CKMT2: variants seen among roughly 807,000 people sequenced by gnomAD.
The protein encoded by CKMT2 is creatine kinase S-type, mitochondrial.
A neutral mutation model predicts 48.9 loss-of-function variants in CKMT2; 43 were observed. The ratio of observed to expected loss-of-function variants is 0.88; its 90% CI spans 0.69 to 1.13. The LOEUF (loss-of-function observed/expected upper bound fraction) is 1.13, where lower values mean the gene tolerates loss of function less well. Ranked by LOEUF, CKMT2 falls within the 50% of genes most tolerant of loss-of-function variation. CKMT2 has a pLI of 0.00. For synonymous variants in CKMT2, 206 were observed against 213.0 expected, an observed-to-expected ratio of 0.97 and a Z score of 0.29; for missense variants, 472 against 555.4, an observed-to-expected ratio of 0.85 and a Z score of 1.51.
intron 1 of CKMT2, chr5:81,244,678 G>A (rs1366598079): frequency 1.3e-5 from 2 of 152,208 alleles, no homozygotes; most frequent in Non-Finnish European, 2.9e-5. Flanking sequence ...GAGGGTATCA[G>A]CAGCTTGTCC....
At chr5:81,256,076 C>T (rs566451874) in intron 5 of CKMT2, among the ~76,000 whole-genome samples, 2 of 152,258 alleles carry the variant, frequency 1.3e-5, no homozygotes, top group South Asian at 4.2e-4. Flanking sequence ...CTCCTCTCCC[C>T]ACATCCACTT....
At chr5:81,257,252 G>T (rs1487334091) in intron 6 of CKMT2, among the ~76,000 whole-genome samples, 1 of 151,872 alleles carries the variant, frequency 6.6e-6, no homozygotes, top group African/African-American at 2.4e-5. Flanking sequence ...GTGCCTGAAG[G>T]AGCAGAAATA....
At chr5:81,243,273 T>G (rs1251374394) in intron 1 of CKMT2, among the ~76,000 whole-genome samples, 2 of 152,186 alleles carry the variant, frequency 1.3e-5, no homozygotes, top group Non-Finnish European at 2.9e-5. Context: ...ATGAGTACAC[T>G]GCGAACTGAG....
At chr5:81,245,867 C>A (rs991643523) in intron 1 of CKMT2, among the ~76,000 whole-genome samples, 2 of 152,160 alleles carry the variant, frequency 1.3e-5, no homozygotes, top group African/African-American at 4.8e-5. Context: ...ACTGCTCCCC[C>A]ACCAGTGGGC....
At chr5:81,244,015 G>A (rs1445270533) in intron 1 of CKMT2, 45 of 984,920 alleles carry the variant, frequency 4.6e-5, no homozygotes, top group Non-Finnish European at 5.3e-5. Flanking sequence ...TTATTTAGTT[G>A]ACATTTGCCT....
rs1390500733 is a variant in CKMT2 at position 81,251,202 on chromosome 5, A to G, written c.70A>G (p.Ser24Gly). The change falls in exon 2 of 10, where the codon AGT (serine) becomes GGT (glycine). Residue 24 changes from serine to glycine, a missense_variant. Physicochemically the swap from Ser to Gly is moderately conservative, Grantham distance 56. Coordinates refer to ENST00000254035, the MANE Select transcript of CKMT2 (RefSeq NM_001099735.2). ...TCTGCTGTTTGCTACCATGGGCACC[A>G]GTGTCCTGACCACCGGGTACCTGCT... ...ASLLFATMGT[S>G]VLTTGYLLNR... The G allele has an allele frequency of 8.1e-6, 13 of 1,614,154 alleles. No individual in the cohort carries two copies. In the Admixed American group the frequency reaches 1.2e-4, roughly 14 times the overall value.
intron 8 of CKMT2, among the ~76,000 whole-genome samples, chr5:81,259,731 T>TTCTTAGAGACCTACAA (rs1182355801): frequency 6.6e-6 from 1 of 152,160 alleles, no homozygotes; most frequent in South Asian, 2.1e-4. Flanking sequence ...TAGAGCACTC[T>TTCTTAGAGACCTACAA]TCTTAGAGAC....
At chr5:81,264,608 T>C (rs1248049804) in intron 9 of CKMT2, among the ~76,000 whole-genome samples, 2 of 152,198 alleles carry the variant, frequency 1.3e-5, no homozygotes, top group African/African-American at 4.8e-5. Context: ...TACTGAATAA[T>C]GTGTGGTGTA....
intron 1 of CKMT2, among the ~76,000 whole-genome samples, chr5:81,243,739 G>T (rs1357445289): frequency 6.6e-6 from 1 of 152,092 alleles, no homozygotes; most frequent in African/African-American, 2.4e-5. Context: ...CAGGCTGCTG[G>T]AGTGCAGTGG....
intron 5 of CKMT2, 121 bp downstream of exon 5, chr5:81,255,335 C>G (rs1395136391): frequency 3.6e-6 from 3 of 828,064 alleles, no homozygotes; most frequent in Non-Finnish European, 5.8e-6. Context: ...TGGGCTCCAC[C>G]CCTGAGCTCA....
chr5:81,238,913 C>A (rs1166360283), intron 1 of CKMT2: 1 of 152,208 alleles, frequency 6.6e-6, no homozygotes, highest in Non-Finnish European at 1.5e-5. Context: ...CCTGGCTGTA[C>A]CCTGAACTCT....
At chr5:81,257,057 C>T in intron 6 of CKMT2, 57 bp downstream of exon 6, 1 of 1,392,374 alleles carries the variant, frequency 7.2e-7, no homozygotes, top group Non-Finnish European at 1.0e-6. Context: ...TTTGAGATCA[C>T]CTGCTTATCC....
chr5:81,248,008 C>A (rs1183504162), intron 1 of CKMT2, among the ~76,000 whole-genome samples: 1 of 152,150 alleles, frequency 6.6e-6, no homozygotes, highest in Non-Finnish European at 1.5e-5. Flanking sequence ...CTTCCAGGAA[C>A]TAAAATATGG....
rs188476269 is a variant in CKMT2, at chr5:81,236,768, C to T, written c.-21+3391C>T. Among the ~76,000 whole-genome samples, 7 of 152,254 alleles carry T rather than the reference C, an allele frequency of 4.6e-5. No individual in the cohort carries two copies. The East Asian group carries it at 1.4e-3, about 29-fold the overall frequency. On this transcript the variant is annotated intron_variant, in intron 1 of 9. Coordinates refer to ENST00000254035, the MANE Select transcript of CKMT2 (RefSeq NM_001099735.2). ...CAATTGGTTAAATCCATTTTGTGAA[C>T]CCCGATGTTGGTTTTCAGAGGATGA...
intron 1 of CKMT2, among the ~76,000 whole-genome samples, chr5:81,234,524 G>A (rs1410582853): frequency 6.6e-6 from 1 of 152,166 alleles, no homozygotes; most frequent in Non-Finnish European, 1.5e-5. Context: ...GGAGGCTCTT[G>A]GCCTTGTTTG....
intron 8 of CKMT2, among the ~76,000 whole-genome samples, chr5:81,262,195 A>ATTT: frequency 6.6e-6 from 1 of 152,242 alleles, no homozygotes. Context: ...GTAACTCAAG[A>ATTT]TGGATTAAAG....
chr5:81,257,994 G>C, intron 7 of CKMT2, 138 bp downstream of exon 7: 1 of 731,618 alleles, frequency 1.4e-6, no homozygotes, highest in Non-Finnish European at 2.1e-6. Context: ...CCGCCTCCCA[G>C]GTTCAAGTGA....
intron 1 of CKMT2, chr5:81,238,980 T>C (rs577523038): frequency 1.3e-5 from 2 of 152,320 alleles, no homozygotes; most frequent in African/African-American, 4.8e-5. Context: ...TTCTCTAACG[T>C]TTGTTGAGCA....
chr5:81,255,427 T>C (rs954373425), intron 5 of CKMT2, among the ~76,000 whole-genome samples: 2 of 152,246 alleles, frequency 1.3e-5, no homozygotes, highest in African/African-American at 4.8e-5. Context: ...AAACATTCTA[T>C]GCATAAAATC....
Sources: gnomAD v4.1 joint callset for allele counts (sites outside exome capture counted in the v4.1 genomes callset) on GRCh38, gnomAD v4.1.1 for gene constraint, MANE v1.5 for transcripts, NCBI Gene and HGNC (gene_info 2026-07-23, HGNC 2026-07-21) for gene names.